Variants in SLC28A1 observed in about 807,000 individuals in gnomAD.
SLC28A1 encodes solute carrier family 28 member 1.
SLC28A1 carries 64 observed loss-of-function variants against 74.8 expected under a neutral mutation model. The observed-to-expected ratio is 0.86, with a 90% confidence interval of 0.70 to 1.05. The LOEUF (loss-of-function observed/expected upper bound fraction) is 1.05, where lower values mean the gene tolerates loss of function less well. Ranked by LOEUF, SLC28A1 falls within the 50% of genes least tolerant of loss-of-function variation. The probability of loss-of-function intolerance (pLI) is 0.00; values close to 1 mark genes in which losing one functional copy is unlikely to be tolerated. For missense variants in SLC28A1, 828 were observed against 822.8 expected, an observed-to-expected ratio of 1.01 and a Z score of -0.08; for synonymous variants, 359 against 335.0, an observed-to-expected ratio of 1.07 and a Z score of -0.78.
intron 1 of SLC28A1, among the ~76,000 whole-genome samples, chr15:84,885,178 C>T (rs1267183254): frequency 1.3e-5 from 2 of 151,202 alleles, no homozygotes; most frequent in African/African-American, 4.9e-5. Context: ...AGGCTGGTCT[C>T]GAACTCCTGG....
chr15:84,955,742 G>A, the SLC28A1 span, among the ~76,000 whole-genome samples: 1 of 152,198 alleles, frequency 6.6e-6, no homozygotes. Flanking sequence ...GATAGAATCT[G>A]AAAACATATT....
intron 9 of SLC28A1, among the ~76,000 whole-genome samples, chr15:84,913,158 C>T (rs562941686): frequency 6.6e-6 from 1 of 152,296 alleles, no homozygotes; most frequent in East Asian, 1.9e-4. Flanking sequence ...AGATGAGTCC[C>T]TTCCACTTTC....
In SLC28A1 at chr15:84,886,787, C is replaced by T; in HGVS notation, c.-17C>T. ...GAGAGCGACCTGTTAACCGCAAATA[C>T]GTGAGTAGAAACAGGGCCCCGCTTC... On this transcript the variant is annotated splice_region_variant and 5_prime_UTR_variant, in exon 2 of 19. Coordinates refer to ENST00000394573, the MANE Select transcript of SLC28A1 (RefSeq NM_004213.5). 3.0e-6 allele frequency: 3 copies of T among 984,662 alleles called. No homozygotes were observed. Among genetic ancestry groups the T allele is most frequent in the East Asian group, 2.3e-4 (2 of 8,814 alleles). 61.0% of individuals were successfully genotyped at this position (984,662 alleles called of 1,614,324 possible).
chr15:84,885,510 C>T (rs1449751326), intron 1 of SLC28A1, among the ~76,000 whole-genome samples: 4 of 151,580 alleles, frequency 2.6e-5, no homozygotes, highest in Admixed American at 6.6e-5. Context: ...GGTGGGTGGA[C>T]CACCTGAGGT....
At chr15:84,924,671 A>C (rs192033145) in intron 12 of SLC28A1, among the ~76,000 whole-genome samples, 10 of 152,372 alleles carry the variant, frequency 6.6e-5, no homozygotes, top group African/African-American at 2.4e-4. Flanking sequence ...TGGTGGGCAG[A>C]GGGAAATTCT....
chr15:84,935,247 T>G (rs1342082172), intron 14 of SLC28A1, 53 bp downstream of exon 14: 21 of 1,611,556 alleles, frequency 1.3e-5, no homozygotes, highest in Non-Finnish European at 1.7e-5. Context: ...CCCAGGTGGG[T>G]GGTGAGTGGT....
intron 12 of SLC28A1, 74 bp downstream of exon 12, chr15:84,924,184 C>G (rs1970204933): frequency 6.6e-7 from 1 of 1,520,810 alleles, no homozygotes. Flanking sequence ...CCACACAGCT[C>G]CTGGCCAGAG....
intron 6 of SLC28A1, chr15:84,895,865 T>G: frequency 9.4e-7 from 1 of 1,064,600 alleles, no homozygotes; most frequent in South Asian, 3.1e-5. Context: ...ACCCAAAGAC[T>G]AAGTCAGGGG....
At chr15:84,924,163 T>G in intron 12 of SLC28A1, 53 bp downstream of exon 12, 1 of 1,589,622 alleles carries the variant, frequency 6.3e-7, no homozygotes, top group Non-Finnish European at 8.6e-7. Context: ...AAGCCCATCT[T>G]TGTGGGAGCC....
intron 9 of SLC28A1, among the ~76,000 whole-genome samples, chr15:84,917,045 T>A (rs28684079): frequency 0.44 from 14,034 of 31,598 alleles, 2,825 homozygotes; most frequent in South Asian, 0.53. Flanking sequence ...AAAAAATAAA[T>A]AAAAAAGGTA....
At chr15:84,911,510 T>C (rs373422416) in intron 9 of SLC28A1, among the ~76,000 whole-genome samples, 1 of 152,160 alleles carries the variant, frequency 6.6e-6, no homozygotes, top group African/African-American at 2.4e-5. Context: ...ATCAACGGCC[T>C]CATGTCTCTC....
At chr15:84,965,912 A>AGGCG in the SLC28A1 span, among the ~76,000 whole-genome samples, 1 of 142,436 alleles carries the variant, frequency 7.0e-6, no homozygotes, top group African/African-American at 2.8e-5. Context: ...GAGGGGGGGG[A>AGGCG]AATATTAGGC....
intron 12 of SLC28A1, among the ~76,000 whole-genome samples, chr15:84,925,309 A>T (rs1015072415): frequency 2.6e-5 from 4 of 152,004 alleles, no homozygotes; most frequent in Non-Finnish European, 5.9e-5. Flanking sequence ...CTTGTTAGAA[A>T]TGCAAATTCT....
intron 6 of SLC28A1, among the ~76,000 whole-genome samples, chr15:84,897,317 C>A (rs1037172169): frequency 6.6e-6 from 1 of 151,546 alleles, no homozygotes; most frequent in Non-Finnish European, 1.5e-5. Flanking sequence ...ACCCGGGAGG[C>A]AGAGGTTGCA....
chr15:84,949,565 ATTTTTT>A (rs11318236), downstream of SLC28A1, among the ~76,000 whole-genome samples: 3 of 103,882 alleles, frequency 2.9e-5, no homozygotes, highest in East Asian at 2.8e-4. Context: ...TGCCCGGCTA[ATTTTTT>A]TTTTTTTTTT....
intron 13 of SLC28A1, among the ~76,000 whole-genome samples, chr15:84,933,565 G>A (rs1290204121): frequency 6.6e-6 from 1 of 152,186 alleles, no homozygotes; most frequent in Non-Finnish European, 1.5e-5. Context: ...CCTTCTTGCT[G>A]CTGGGGATTC....
Position 84,889,367 on chromosome 15 carries a change from G to C in SLC28A1, c.185+507G>C, listed in dbSNP as rs1029944244. Among the ~76,000 whole-genome samples, 4 of 152,202 alleles carry C rather than the reference G, an allele frequency of 2.6e-5. No individual in the cohort carries two copies. The South Asian group carries it at 8.3e-4, about 32-fold the overall frequency. ...GGGCCATCTGGGTCCTTGTTGGCCA[G>C]ATCCGGAGCTGAGGACACCGTGATG... On this transcript the variant is annotated intron_variant, in intron 4 of 18. Coordinates refer to ENST00000394573, the MANE Select transcript of SLC28A1 (RefSeq NM_004213.5).
rs1471333138 is a variant in SLC28A1 at position 84,933,135 on chromosome 15, A to G, written c.1084-10A>G. The G allele has an allele frequency of 6.2e-7, 1 of 1,612,368 alleles. No individual in the cohort carries two copies. The highest frequency in any genetic ancestry group is 1.1e-5 in the South Asian group (1 of 90,874). ...CTGTCCACCTAGAACCTGCACTCTC[A>G]CTCTTGCAGATCGATGCCACCTCGT... On this transcript the variant is annotated splice_polypyrimidine_tract_variant and intron_variant, in intron 12 of 18. Coordinates refer to ENST00000394573, the MANE Select transcript of SLC28A1 (RefSeq NM_004213.5).
At chr15:84,913,852 G>A (rs1968700813) in intron 9 of SLC28A1, among the ~76,000 whole-genome samples, 1 of 117,034 alleles carries the variant, frequency 8.5e-6, no homozygotes, top group Non-Finnish European at 1.9e-5. Flanking sequence ...CTGCAAGGTT[G>A]AATTCTGTTG....
Sources: gnomAD v4.1 joint callset for allele counts (sites outside exome capture counted in the v4.1 genomes callset) on GRCh38, gnomAD v4.1.1 for gene constraint, MANE v1.5 for transcripts, NCBI Gene and HGNC (gene_info 2026-07-23, HGNC 2026-07-21) for gene names.